Variants in SNX27 observed in about 807,000 individuals in gnomAD.
SNX27 encodes the protein sorting nexin-27.
SNX27 carries 22 observed loss-of-function variants against 71.6 expected under a neutral mutation model. That is an observed-to-expected ratio of 0.31 (90% CI 0.22 to 0.44). SNX27 has a LOEUF of 0.44. Among genes scored for constraint, SNX27 ranks in the 20% least tolerant of loss-of-function variants. The pLI is 1.00. For synonymous variants in SNX27, 269 were observed against 277.2 expected (o/e 0.97, Z 0.29); for missense variants, 531 against 698.6 (o/e 0.76, Z 2.70).
At chr1:151,627,721 C>T (rs1264324283) in intron 1 of SNX27, among the ~76,000 whole-genome samples, 1 of 149,514 alleles carries the variant, frequency 6.7e-6, no homozygotes, top group Non-Finnish European at 1.5e-5. Flanking sequence ...AGCCACTGCG[C>T]CTGGCCAAGG....
intron 7 of SNX27, among the ~76,000 whole-genome samples, chr1:151,674,566 C>G (rs1310245685): frequency 2.0e-5 from 3 of 152,138 alleles, no homozygotes; most frequent in Admixed American, 1.3e-4. Flanking sequence ...CTCAGCCTCA[C>G]AAAGTGCTGG....
chr1:151,680,001 G>A (rs1020151759), intron 7 of SNX27: 3 of 152,078 alleles, frequency 2.0e-5, no homozygotes, highest in Non-Finnish European at 4.4e-5. Flanking sequence ...GGGATCAGAG[G>A]CTGCTGTTTT....
chr1:151,643,557 T>A (rs1002073655), intron 2 of SNX27, among the ~76,000 whole-genome samples: 2 of 152,076 alleles, frequency 1.3e-5, no homozygotes, highest in Non-Finnish European at 2.9e-5. Context: ...CCTCCCAAAG[T>A]GCTGAGATTA....
intron 1 of SNX27, among the ~76,000 whole-genome samples, chr1:151,631,157 T>A (rs1299357808): frequency 6.6e-6 from 1 of 152,224 alleles, no homozygotes; most frequent in Non-Finnish European, 1.5e-5. Context: ...GACAGACCCT[T>A]ACATTTTGGT....
At chr1:151,629,499 ATATATATACATATATACACG>A (rs1280397843) in intron 1 of SNX27, 2 of 150,294 alleles carry the variant, frequency 1.3e-5, no homozygotes, top group African/African-American at 2.4e-5. Flanking sequence ...ATGTATGCGT[ATATATATACATATATACACG>A]TATATATACA....
chr1:151,658,833 T>C lies in SNX27; in HGVS notation c.736+406T>C, dbSNP rs377626447. 7.7e-4 allele frequency among the ~76,000 whole-genome samples: 103 copies of C among 134,482 alleles called. 1 individual carries two copies. Among genetic ancestry groups the C allele is most frequent in the African/African-American group, 2.8e-3 (99 of 35,228 alleles). 88.2% of individuals were successfully genotyped at this position (134,482 alleles called of 152,430 possible). ...CTGAGTAGCTGGGACTATAGGCACATGCCACCACGCCCAGCTAATTTTTGT... is the reference window on the plus strand; with the variant it reads ...CTGAGTAGCTGGGACTATAGGCACACGCCACCACGCCCAGCTAATTTTTGT... On this transcript the variant is annotated intron_variant, in intron 3 of 11. Transcript: ENST00000458013.
chr1:151,683,770 G>A (rs1474668944), intron 8 of SNX27, among the ~76,000 whole-genome samples: 2 of 152,098 alleles, frequency 1.3e-5, no homozygotes, highest in Admixed American at 6.5e-5. Flanking sequence ...GGGTTCAAGC[G>A]ATTCTCCTGC....
intron 7 of SNX27, among the ~76,000 whole-genome samples, chr1:151,682,361 AC>A (rs1671005967): frequency 6.6e-6 from 1 of 152,226 alleles, no homozygotes; most frequent in South Asian, 2.1e-4. Context: ...TCGCACTGTC[AC>A]CTGGGCTGGA....
At chr1:151,617,808 A>G (rs1032391705) in intron 1 of SNX27, among the ~76,000 whole-genome samples, 1 of 152,018 alleles carries the variant, frequency 6.6e-6, no homozygotes, top group African/African-American at 2.4e-5. Context: ...TGTTGTACCA[A>G]TGAATGGCAA....
rs1164989526 is a variant in SNX27 at position 151,696,357 on chromosome 1, G to A, written c.*1940G>A. 6.6e-6 allele frequency: 1 copy of A among 152,130 alleles called. No homozygotes were observed. The highest frequency in any genetic ancestry group is 1.5e-5 in the Non-Finnish European group (1 of 68,024). 9.4% of individuals were successfully genotyped at this position (152,130 alleles called of 1,614,324 possible). A position where few individuals can be genotyped will look rare whatever the true frequency, so the allele number is the denominator to read the frequency against. ...AGGATGGCATCTTTTGCTCTAACTG[G>A]GAGACAGTCATAATTGGTTGTAGTC... is the stretch of plus-strand genomic sequence containing the variant. On this transcript the variant is annotated 3_prime_UTR_variant, in exon 12 of 12. Coordinates refer to ENST00000458013, the MANE Select transcript of SNX27 (RefSeq NM_001330723.2).
intron 2 of SNX27, among the ~76,000 whole-genome samples, chr1:151,649,461 T>C (rs1487742827): frequency 6.6e-6 from 1 of 152,064 alleles, no homozygotes. Context: ...ACAATGCTGG[T>C]AGTCCCACTT....
chr1:151,660,784 T>A lies in SNX27; in HGVS notation c.737-14T>A, dbSNP rs1669928289. On this transcript the variant is annotated splice_polypyrimidine_tract_variant and intron_variant, in intron 3 of 11. Coordinates refer to ENST00000458013, the MANE Select transcript of SNX27 (RefSeq NM_001330723.2). ...TTAAGGCCTTATGCCAGATTTTATC[T>A]TTATTTTCTACAGTGTGTTCAATAC... 3.1e-6 allele frequency: 5 copies of A among 1,605,622 alleles called. No individual in the cohort carries two copies. The highest frequency in any genetic ancestry group is 4.3e-6 in the Non-Finnish European group (5 of 1,172,468).
At chr1:151,643,593 A>C (rs1467783068) in intron 2 of SNX27, among the ~76,000 whole-genome samples, 1 of 152,042 alleles carries the variant, frequency 6.6e-6, no homozygotes, top group Non-Finnish European at 1.5e-5. Flanking sequence ...GCACCCAGCC[A>C]TAAGAACTTT....
rs1668161245 is a variant in SNX27, at chr1:151,630,224, ATTT to A, written c.312-8662_312-8660del. On this transcript the variant is annotated intron_variant, in intron 1 of 11. Transcript: ENST00000458013. ...AAATTTTTGCCCTTACGAAGCTCAT[ATTT>A]TGGTCATTGCCTTAGGATAAATTCT... is the stretch of plus-strand genomic sequence containing the variant. Among the ~76,000 whole-genome samples, 5 of 152,064 alleles carry A rather than the reference ATTT, an allele frequency of 3.3e-5. No homozygotes were observed. In the South Asian group the frequency reaches 1.0e-3, roughly 31 times the overall value.
At chr1:151,643,263 C>CTTTT (rs991300228) in intron 2 of SNX27, among the ~76,000 whole-genome samples, 1 of 118,108 alleles carries the variant, frequency 8.5e-6, no homozygotes, top group Non-Finnish European at 1.8e-5. Context: ...CACGCCTGGC[C>CTTTT]TTTTATTTAT....
intron 8 of SNX27, among the ~76,000 whole-genome samples, chr1:151,688,968 C>G (rs908279246): frequency 2.0e-5 from 3 of 152,140 alleles, no homozygotes; most frequent in Non-Finnish European, 4.4e-5. Flanking sequence ...TTACCTTTAT[C>G]GGCTCACCAA....
At chr1:151,693,781 G>T in intron 11 of SNX27, 1 of 1,475,596 alleles carries the variant, frequency 6.8e-7, no homozygotes, top group South Asian at 1.4e-5. Flanking sequence ...TTTTAAATCA[G>T]ATCACCCTCC....
chr1:151,648,472 T>G (rs1016394384), intron 2 of SNX27, among the ~76,000 whole-genome samples: 3 of 152,110 alleles, frequency 2.0e-5, no homozygotes, highest in African/African-American at 7.2e-5. Flanking sequence ...CAGGCTGGAG[T>G]GCAATAGCGC....
chr1:151,619,508 C>G (rs1464891817), intron 1 of SNX27, among the ~76,000 whole-genome samples: 1 of 152,064 alleles, frequency 6.6e-6, no homozygotes. Context: ...ACCATGTTGC[C>G]CAGGCTGGTC....
Sources: gnomAD v4.1 joint callset for allele counts (sites outside exome capture counted in the v4.1 genomes callset) on GRCh38, gnomAD v4.1.1 for gene constraint, MANE v1.5 for transcripts, NCBI Gene and HGNC (gene_info 2026-07-23, HGNC 2026-07-21) for gene names.